The following CPNE8 variants were observed in gnomAD, a reference collection of about 807,000 sequenced individuals.
CPNE8 encodes copine 8.
A neutral mutation model predicts 81.5 loss-of-function variants in CPNE8; 45 were observed. The observed-to-expected ratio is 0.55, with a 90% CI of 0.44 to 0.71. The LOEUF (loss-of-function observed/expected upper bound fraction) is 0.71, where lower values mean the gene tolerates loss of function less well. Among genes scored for constraint, CPNE8 ranks in the 30% least tolerant of loss-of-function variants. The pLI, the probability that CPNE8 is intolerant of heterozygous loss-of-function variation, is 0.00. For synonymous variants in CPNE8, 252 were observed against 226.3 expected, an observed-to-expected ratio of 1.11 and a Z score of -1.02; for missense variants, 594 against 672.1, an observed-to-expected ratio of 0.88 and a Z score of 1.28.
chr12:38,742,514 C>G (rs1240039623), intron 10 of CPNE8, among the ~76,000 whole-genome samples: 1 of 134,356 alleles, frequency 7.4e-6, no homozygotes, highest in Non-Finnish European at 1.6e-5. Context: ...GAACATCACA[C>G]ACTGGGTCCT....
intron 6 of CPNE8, among the ~76,000 whole-genome samples, chr12:38,794,493 G>C (rs1167550382): frequency 6.6e-6 from 1 of 151,902 alleles, no homozygotes; most frequent in Non-Finnish European, 1.5e-5. Context: ...AATGAGCATG[G>C]CACTTCAGTA....
At chr12:38,732,109 G>A (rs1940845410) in intron 10 of CPNE8, among the ~76,000 whole-genome samples, 1 of 151,748 alleles carries the variant, frequency 6.6e-6, no homozygotes, top group Admixed American at 6.6e-5. Flanking sequence ...CCTAACATAG[G>A]GGCCTTAAAA....
intron 10 of CPNE8, among the ~76,000 whole-genome samples, chr12:38,752,261 T>C (rs1034175465): frequency 3.9e-5 from 6 of 152,180 alleles, no homozygotes; most frequent in Non-Finnish European, 8.8e-5. Flanking sequence ...GGCTACGATC[T>C]CTCCAGTCTG....
chr12:38,723,823 A>G lies in CPNE8; in HGVS notation c.863T>C (p.Leu288Pro), dbSNP rs1940629499. 1 of 1,579,506 alleles carries G rather than the reference A, an allele frequency of 6.3e-7. No individual in the cohort carries two copies. The highest frequency in any genetic ancestry group is 8.7e-7 in the Non-Finnish European group (1 of 1,150,600). The change falls in exon 13 of 20, where the codon CTC becomes CCC. Residue 288 changes from leucine (L) to proline (P), a missense_variant. Coordinates refer to ENST00000331366, the MANE Select transcript of CPNE8 (RefSeq NM_153634.3). The part of the protein sequence containing the change: ...KYTNSGTVTL[L>P]SFLVETEVSF... ...AACTTCTGTTTCTACCAAGAAAGAG[A>G]GTAAAGTTACCTGAAAAAGAAAAAG... is the stretch of plus-strand genomic sequence containing the variant.
At chr12:38,856,626 T>A (rs1218965241) in intron 3 of CPNE8, among the ~76,000 whole-genome samples, 2 of 152,170 alleles carry the variant, frequency 1.3e-5, no homozygotes, top group Non-Finnish European at 2.9e-5. Flanking sequence ...ATAAAATAAA[T>A]TTGACAGTAG....
chr12:38,895,683 G>C (rs1040221732), intron 1 of CPNE8, among the ~76,000 whole-genome samples: 2 of 152,036 alleles, frequency 1.3e-5, no homozygotes, highest in African/African-American at 4.8e-5. Flanking sequence ...CATCCTCAGA[G>C]AAATATATCC....
At chr12:38,871,152 G>A (rs1463410272) in intron 3 of CPNE8, among the ~76,000 whole-genome samples, 3 of 152,122 alleles carry the variant, frequency 2.0e-5, no homozygotes, top group Non-Finnish European at 4.4e-5. Context: ...TAAACTAACT[G>A]GCCAATACTA....
intron 6 of CPNE8, among the ~76,000 whole-genome samples, chr12:38,797,364 T>C (rs34731320): frequency 6.6e-6 from 1 of 152,116 alleles, no homozygotes; most frequent in Non-Finnish European, 1.5e-5. Flanking sequence ...CCAGAGGAAC[T>C]AGCAGACGGC....
intron 6 of CPNE8, among the ~76,000 whole-genome samples, chr12:38,787,972 GAAAAAAA>G (rs35455026): frequency 1.1e-5 from 1 of 93,822 alleles, no homozygotes; most frequent in African/African-American, 4.7e-5. Context: ...AAGTCTCCCA[GAAAAAAA>G]AAAAAAAAAA....
chr12:38,780,852 G>T (rs2136902999), intron 6 of CPNE8, among the ~76,000 whole-genome samples: 1 of 152,100 alleles, frequency 6.6e-6, no homozygotes, highest in Non-Finnish European at 1.5e-5. Context: ...AGTTTCTAAA[G>T]AATGGGTTTC....
At chr12:38,710,737 G>C (rs1159668449) in intron 13 of CPNE8, among the ~76,000 whole-genome samples, 1 of 152,130 alleles carries the variant, frequency 6.6e-6, no homozygotes, top group Non-Finnish European at 1.5e-5. Flanking sequence ...GATGTATCAA[G>C]GGTGGGGCAA....
chr12:38,814,485 CT>C (rs369487138), intron 6 of CPNE8, among the ~76,000 whole-genome samples: 1 of 151,180 alleles, frequency 6.6e-6, no homozygotes, highest in African/African-American at 2.4e-5. Flanking sequence ...CCCAGCTAAT[CT>C]TTTTTTTGGT....
intron 18 of CPNE8, among the ~76,000 whole-genome samples, chr12:38,674,947 A>G (rs1939255414): frequency 6.6e-6 from 1 of 152,214 alleles, no homozygotes; most frequent in Non-Finnish European, 1.5e-5. Flanking sequence ...TTGTTAATAT[A>G]AAACACCTGA....
chr12:38,755,755 T>C (rs901067630), intron 10 of CPNE8, among the ~76,000 whole-genome samples: 2 of 151,198 alleles, frequency 1.3e-5, no homozygotes, highest in Admixed American at 6.6e-5. Flanking sequence ...AAAGAACAGG[T>C]AACGGCCGGG....
rs565845196 is a variant in CPNE8, at chr12:38,690,276, A to G, written c.1143+3381T>C. The stretch of plus-strand genomic sequence containing the variant: ...TATTTGTCATTTTCAGTACCTACAG[A>G]TAGATATTGCAGTGACTTAGGATGA... On this transcript the variant is annotated intron_variant, in intron 15 of 19. Coordinates refer to ENST00000331366, the MANE Select transcript of CPNE8 (RefSeq NM_153634.3). 1.4e-4 allele frequency among the ~76,000 whole-genome samples: 22 copies of G among 152,328 alleles called. No homozygotes were observed. The East Asian group carries it at 3.7e-3, about 25-fold the overall frequency.
chr12:38,870,813 T>A (rs946206573), intron 3 of CPNE8, among the ~76,000 whole-genome samples: 5 of 150,230 alleles, frequency 3.3e-5, no homozygotes, highest in African/African-American at 7.3e-5. Flanking sequence ...AATAAATAAA[T>A]AAAAATAAAA....
intron 6 of CPNE8, among the ~76,000 whole-genome samples, chr12:38,778,486 T>A (rs958230114): frequency 6.6e-6 from 1 of 152,204 alleles, no homozygotes; most frequent in African/African-American, 2.4e-5. Flanking sequence ...TGCTTATTTC[T>A]TCTTTGTGTT....
intron 10 of CPNE8, among the ~76,000 whole-genome samples, chr12:38,752,316 T>C (rs553518325): frequency 6.6e-6 from 1 of 152,138 alleles, no homozygotes; most frequent in African/African-American, 2.4e-5. Flanking sequence ...ATTCAAGAGA[T>C]GTAAATCAAT....
chr12:38,774,727 A>G (rs990024878), intron 7 of CPNE8, among the ~76,000 whole-genome samples: 1 of 152,154 alleles, frequency 6.6e-6, no homozygotes, highest in Non-Finnish European at 1.5e-5. Flanking sequence ...CAAAGTACAA[A>G]TTAGTAGCAA....
Sources: allele counts gnomAD v4.1 joint callset (sites outside exome capture counted in the v4.1 genomes callset), GRCh38; gene constraint gnomAD v4.1.1; transcripts MANE v1.5; gene names NCBI Gene and HGNC (gene_info 2026-07-23, HGNC 2026-07-21).